Variants in FAM81A observed in about 807,000 individuals in gnomAD.
FAM81A encodes the protein family with sequence similarity 81 member A, also known as protein FAM81A.
FAM81A carries 19 observed loss-of-function variants against 46.7 expected under a neutral mutation model. The ratio of observed to expected loss-of-function variants is 0.41; its 90% CI spans 0.28 to 0.60. FAM81A has a LOEUF of 0.60. FAM81A is among the 20% of genes least tolerant of loss of function. The probability of loss-of-function intolerance (pLI) is 0.34; values close to 1 mark genes in which losing one functional copy is unlikely to be tolerated. For synonymous variants in FAM81A, 183 were observed against 152.9 expected (o/e 1.20, Z -1.45); for missense variants, 377 against 453.5 (o/e 0.83, Z 1.53).
In FAM81A at chr15:59,458,609, C is replaced by T. The variant is rs1442179986; in HGVS notation, c.-18C>T. The T allele has an allele frequency of 2.5e-6, 4 of 1,613,874 alleles. No individual in the cohort carries two copies. In the East Asian group the frequency reaches 8.9e-5, roughly 36 times the overall value. ...GCACTGTATTTCCTTCTCGTGTCACCAAGGAAAGGTATAATATATGGAAAA... is the reference window on the plus strand; with the variant it reads ...GCACTGTATTTCCTTCTCGTGTCACTAAGGAAAGGTATAATATATGGAAAA... On this transcript the variant is annotated 5_prime_UTR_variant, in exon 2 of 9. Coordinates refer to ENST00000288228, the MANE Select transcript of FAM81A (RefSeq NM_152450.3).
Position 59,466,555 on chromosome 15 carries a change from T to G in FAM81A, c.294+6349T>G, listed in dbSNP as rs1596494810. Among the ~76,000 whole-genome samples the G allele has an allele frequency of 2.6e-5, 4 of 152,286 alleles. No individual in the cohort carries two copies. In the Middle Eastern group the frequency reaches 0.01, roughly 388 times the overall value. On this transcript the variant is annotated intron_variant, in intron 3 of 8. Coordinates refer to ENST00000288228, the MANE Select transcript of FAM81A (RefSeq NM_152450.3). ...TTTGCCCACTTTTTGATGGGGTTGT[T>G]TGTTTTTTTCTTGTAAATTTGTTTG...
rs1211135113 is a variant in FAM81A, at chr15:59,470,883, C to T, written c.294+10677C>T. Among the ~76,000 whole-genome samples, 9 of 152,144 alleles carry T rather than the reference C, an allele frequency of 5.9e-5. No individual in the cohort carries two copies. In the South Asian group the frequency reaches 1.9e-3, roughly 32 times the overall value. Reference sequence around the variant, plus strand: ...CACCTAGGCTGGTATAGTGCAGTGGCTCTATTACAGCTCACTGCAGCCTCA... The same window carrying T: ...CACCTAGGCTGGTATAGTGCAGTGGTTCTATTACAGCTCACTGCAGCCTCA... On this transcript the variant is annotated intron_variant, in intron 3 of 8. Transcript: ENST00000288228.
chr15:59,502,174 T>TTTTTA (rs1175980736), intron 4 of FAM81A, among the ~76,000 whole-genome samples: 3 of 151,384 alleles, frequency 2.0e-5, no homozygotes, highest in East Asian at 1.9e-4. Context: ...TCTTTTTCTT[T>TTTTTA]TTTTATTTTA....
At chr15:59,448,431 T>C (rs2141604949) in intron 1 of FAM81A, among the ~76,000 whole-genome samples, 1 of 152,262 alleles carries the variant, frequency 6.6e-6, no homozygotes, top group East Asian at 1.9e-4. Context: ...GTTTGCACCA[T>C]CTAAACTGTG....
intron 1 of FAM81A, among the ~76,000 whole-genome samples, chr15:59,401,022 T>C (rs977394005): frequency 3.9e-5 from 6 of 152,228 alleles, no homozygotes; most frequent in Admixed American, 3.3e-4. Flanking sequence ...ATAAGAGGAA[T>C]GTTTGAAGTT....
intron 3 of FAM81A, among the ~76,000 whole-genome samples, chr15:59,478,876 A>C (rs1251154644): frequency 1.3e-5 from 2 of 152,244 alleles, no homozygotes; most frequent in African/African-American, 2.4e-5. Flanking sequence ...CCAGAGATTG[A>C]TAACAGCTCA....
chr15:59,507,183 A>G (rs545359472), intron 4 of FAM81A, 30 bp from the exon 5 acceptor site: 2 of 1,594,276 alleles, frequency 1.3e-6, no homozygotes, highest in East Asian at 2.2e-5. Context: ...AAACTTTAAT[A>G]AGAATCAGCT....
At chr15:59,485,512 A>T (rs1235501333) in intron 3 of FAM81A, among the ~76,000 whole-genome samples, 1 of 152,258 alleles carries the variant, frequency 6.6e-6, no homozygotes, top group African/African-American at 2.4e-5. Context: ...ATCCAAGACC[A>T]CCAAGGTAGT....
At chr15:59,450,282 A>G (rs939902206) in intron 1 of FAM81A, among the ~76,000 whole-genome samples, 7 of 151,760 alleles carry the variant, frequency 4.6e-5, no homozygotes, top group African/African-American at 1.7e-4. Flanking sequence ...TGAATATATC[A>G]TAGTTTATTC....
chr15:59,439,631 G>A (rs2081276045), intron 1 of FAM81A, among the ~76,000 whole-genome samples: 1 of 152,090 alleles, frequency 6.6e-6, no homozygotes, highest in South Asian at 2.1e-4. Flanking sequence ...GTATAAGAAC[G>A]TGGGTTGGGA....
intron 2 of FAM81A, among the ~76,000 whole-genome samples, chr15:59,418,581 T>A (rs1168239175): frequency 6.6e-6 from 1 of 152,202 alleles, no homozygotes; most frequent in Admixed American, 6.5e-5. Flanking sequence ...GTTTAGTTCA[T>A]GTATTCAGCT....
intron 4 of FAM81A, among the ~76,000 whole-genome samples, chr15:59,497,846 A>T (rs2082050353): frequency 6.6e-6 from 1 of 152,194 alleles, no homozygotes. Context: ...AAATAAACAA[A>T]TAAGCCTTTA....
chr15:59,518,891 A>G (rs1596552754), intron 8 of FAM81A, among the ~76,000 whole-genome samples: 1 of 151,422 alleles, frequency 6.6e-6, no homozygotes, highest in African/African-American at 2.4e-5. Flanking sequence ...TAGTTACTGT[A>G]TTCAAGCAGG....
intron 4 of FAM81A, among the ~76,000 whole-genome samples, chr15:59,502,292 A>T (rs1259265888): frequency 6.6e-6 from 1 of 151,692 alleles, no homozygotes; most frequent in East Asian, 1.9e-4. Flanking sequence ...TTAACTCGTC[A>T]TTTAGCATTA....
At chr15:59,452,550 G>A (rs1424870583) in intron 1 of FAM81A, among the ~76,000 whole-genome samples, 2 of 152,180 alleles carry the variant, frequency 1.3e-5, no homozygotes, top group African/African-American at 2.4e-5. Flanking sequence ...TGGAGGCTGA[G>A]GCAGGAGGAT....
upstream of FAM81A, among the ~76,000 whole-genome samples, chr15:59,434,441 C>T (rs1484044854): frequency 2.0e-5 from 3 of 152,180 alleles, no homozygotes. Context: ...TTTCTTAACC[C>T]ACAGCAATCT....
intron 3 of FAM81A, among the ~76,000 whole-genome samples, chr15:59,479,540 AAAG>A (rs2081821624): frequency 6.8e-6 from 1 of 146,364 alleles, no homozygotes. Context: ...AAAAAAAAAA[AAAG>A]GATGGTAAGG....
intron 2 of FAM81A, among the ~76,000 whole-genome samples, chr15:59,425,187 G>A (rs1171092113): frequency 6.6e-6 from 1 of 152,100 alleles, no homozygotes; most frequent in Non-Finnish European, 1.5e-5. Context: ...TAAGCTCCAT[G>A]AGGGCATAGA....
intron 4 of FAM81A, 38 bp downstream of exon 4, chr15:59,492,427 A>G: frequency 6.6e-7 from 1 of 1,523,010 alleles, no homozygotes; most frequent in Non-Finnish European, 9.0e-7. Context: ...CTCATCAAAA[A>G]CCATTTTCTA....
Sources: allele counts gnomAD v4.1 joint callset (sites outside exome capture counted in the v4.1 genomes callset), GRCh38; gene constraint gnomAD v4.1.1; transcripts MANE v1.5; gene names NCBI Gene and HGNC (gene_info 2026-07-23, HGNC 2026-07-21).